The following RALGPS1 variants were observed in gnomAD, a reference collection of about 807,000 sequenced individuals.
RALGPS1 encodes the protein ras-specific guanine nucleotide-releasing factor RalGPS1.
Under a neutral mutation model 78.8 loss-of-function variants are expected in RALGPS1, and 19 were observed. The ratio of observed to expected loss-of-function variants is 0.24; its 90% confidence interval spans 0.17 to 0.35. RALGPS1 has a LOEUF of 0.35. RALGPS1 is among the 10% of genes least tolerant of loss of function. RALGPS1 has a pLI of 1.00. For missense variants in RALGPS1, 454 were observed against 688.3 expected, an observed-to-expected ratio of 0.66 and a Z score of 3.81; for synonymous variants, 228 against 256.3, an observed-to-expected ratio of 0.89 and a Z score of 1.06.
Position 126,962,366 on chromosome 9 carries a change from C to T in RALGPS1, c.57+20C>T, listed in dbSNP as rs761743702. The T allele has an allele frequency of 2.0e-5, 32 of 1,613,342 alleles. No individual in the cohort carries two copies. The highest frequency in any genetic ancestry group is 2.7e-5 in the African/African-American group (2 of 74,916). On this transcript the variant is annotated intron_variant, in intron 2 of 18. Transcript: ENST00000259351. ...CCACAGGTACTGAGGCTGCAAGAAT[C>T]GGGACAGTGGGTAGAGGGGTCTCCT...
At chr9:127,065,419 A>C (rs983867666) in intron 7 of RALGPS1, among the ~76,000 whole-genome samples, 5 of 151,880 alleles carry the variant, frequency 3.3e-5, no homozygotes, top group Non-Finnish European at 5.9e-5. Flanking sequence ...GCCTTAAAAT[A>C]TTTTTGTAGA....
chr9:127,162,848 C>CTCTGTGTT (rs2059099199), intron 8 of RALGPS1, among the ~76,000 whole-genome samples: 1 of 152,186 alleles, frequency 6.6e-6, no homozygotes, highest in Admixed American at 6.5e-5. Context: ...AGGCAACTCC[C>CTCTGTGTT]TCTGTGTTTC....
intron 4 of RALGPS1, chr9:126,989,856 T>C: frequency 6.5e-7 from 1 of 1,548,598 alleles, no homozygotes; most frequent in Non-Finnish European, 8.7e-7. Context: ...TGAGCTTGAC[T>C]TGACCAGCAT....
chr9:126,968,002 CTTTT>C (rs745689127), intron 3 of RALGPS1, among the ~76,000 whole-genome samples: 4 of 130,616 alleles, frequency 3.1e-5, no homozygotes. Context: ...GAGTTCAATT[CTTTT>C]TTTTTTTTTT....
intron 11 of RALGPS1, among the ~76,000 whole-genome samples, chr9:127,186,368 G>A (rs1422416959): frequency 6.6e-6 from 1 of 152,222 alleles, no homozygotes; most frequent in East Asian, 1.9e-4. Context: ...GCCATATCGG[G>A]GCTGGCAGCA....
At chr9:126,990,207 A>C in intron 4 of RALGPS1, 10 of 559,142 alleles carry the variant, frequency 1.8e-5, no homozygotes, top group South Asian at 5.1e-5. Flanking sequence ...CATCATTAAA[A>C]CCCCTCTCTC....
intron 4 of RALGPS1, 169 bp downstream of exon 4, chr9:126,977,914 A>T (rs2040831333): frequency 4.0e-6 from 2 of 501,860 alleles, no homozygotes; most frequent in South Asian, 6.6e-5. Context: ...TGAGCCCAGT[A>T]TTTGGATTTT....
chr9:126,923,585 T>G (rs1020635138), intron 1 of RALGPS1, among the ~76,000 whole-genome samples: 1 of 152,270 alleles, frequency 6.6e-6, no homozygotes, highest in African/African-American at 2.4e-5. Context: ...CAGAAAATAC[T>G]GAACTTTCCT....
At chr9:127,192,410 C>T (rs1388583197) in intron 11 of RALGPS1, among the ~76,000 whole-genome samples, 1 of 152,238 alleles carries the variant, frequency 6.6e-6, no homozygotes, top group Non-Finnish European at 1.5e-5. Context: ...TTAGCCTTAG[C>T]TGTGCTGCAC....
chr9:127,049,695 G>A (rs1255621576), intron 5 of RALGPS1, among the ~76,000 whole-genome samples: 1 of 152,036 alleles, frequency 6.6e-6, no homozygotes, highest in Non-Finnish European at 1.5e-5. Flanking sequence ...CCCACAACTG[G>A]GATCCTTCTG....
chr9:126,956,591 CAG>C (rs1196745355), intron 1 of RALGPS1, among the ~76,000 whole-genome samples: 9 of 152,004 alleles, frequency 5.9e-5, no homozygotes, highest in Non-Finnish European at 1.3e-4. Context: ...GGGTGGGCCA[CAG>C]GGGGAAGATG....
intron 14 of RALGPS1, among the ~76,000 whole-genome samples, chr9:127,202,008 T>G (rs1177185299): frequency 6.6e-6 from 1 of 152,108 alleles, no homozygotes; most frequent in Non-Finnish European, 1.5e-5. Flanking sequence ...AGGGGGAGGC[T>G]TGGCCGTGGT....
chr9:127,199,607 T>G, intron 14 of RALGPS1, among the ~76,000 whole-genome samples: 1 of 151,996 alleles, frequency 6.6e-6, no homozygotes, highest in Admixed American at 6.5e-5. Flanking sequence ...CGAGGATCCC[T>G]TGGCCCAGGG....
chr9:126,924,226 C>T (rs777710972), intron 1 of RALGPS1, among the ~76,000 whole-genome samples: 1 of 152,216 alleles, frequency 6.6e-6, no homozygotes, highest in Non-Finnish European at 1.5e-5. Flanking sequence ...AAGCATTTAT[C>T]CCAGATGAAA....
At chr9:126,948,848 G>A (rs558864131) in intron 1 of RALGPS1, among the ~76,000 whole-genome samples, 1 of 151,928 alleles carries the variant, frequency 6.6e-6, no homozygotes, top group East Asian at 1.9e-4. Context: ...TAAGTTTTAG[G>A]GTACATGTGC....
intron 11 of RALGPS1, chr9:127,178,574 T>C: frequency 5.9e-6 from 5 of 843,880 alleles, no homozygotes; most frequent in Non-Finnish European, 7.1e-6. Context: ...TAAATATCAC[T>C]GCCTCGGGGA....
intron 5 of RALGPS1, among the ~76,000 whole-genome samples, chr9:127,040,939 A>G (rs757734578): frequency 6.6e-6 from 1 of 151,940 alleles, no homozygotes; most frequent in Non-Finnish European, 1.5e-5. Flanking sequence ...TTTACCATCC[A>G]TGGTTTGTTC....
rs73591265 is a variant in RALGPS1 at position 127,047,182 on chromosome 9, A to G, written c.301-2861A>G. 9.8e-3 allele frequency among the ~76,000 whole-genome samples: 1,495 copies of G among 152,318 alleles called. 30 individuals are homozygous for G. Among genetic ancestry groups the G allele is most frequent in the African/African-American group, 0.034 (1,404 of 41,556 alleles). On this transcript the variant is annotated intron_variant, in intron 5 of 18. Transcript: ENST00000259351. ...ATCTGAGGACCTTAATAAAAAGTGT[A>G]CAAACATATGTATAAAGATGTTCAT...
chr9:127,207,103 C>T (rs984836355), intron 14 of RALGPS1, among the ~76,000 whole-genome samples: 4 of 152,126 alleles, frequency 2.6e-5, no homozygotes, highest in Admixed American at 2.0e-4. Context: ...CCACCACCAC[C>T]GTTACCACCA....
Sources: gnomAD v4.1 joint callset for allele counts (sites outside exome capture counted in the v4.1 genomes callset) on GRCh38, gnomAD v4.1.1 for gene constraint, MANE v1.5 for transcripts, NCBI Gene and HGNC (gene_info 2026-07-23, HGNC 2026-07-21) for gene names.